Variants in FBL observed in about 807,000 individuals in gnomAD.
FBL encodes rRNA 2'-O-methyltransferase fibrillarin.
A neutral mutation model predicts 42.2 loss-of-function variants in FBL; 10 were observed. The ratio of observed to expected loss-of-function variants is 0.24; its 90% CI spans 0.15 to 0.40. The LOEUF (loss-of-function observed/expected upper bound fraction) is 0.40. Among genes scored for constraint, FBL ranks in the 10% least tolerant of loss-of-function variants. The pLI, the probability that FBL is intolerant of heterozygous loss-of-function variation, is 1.00. For synonymous variants in FBL, 165 were observed against 165.4 expected, an observed-to-expected ratio of 1.00 and a Z score of 0.02; for missense variants, 351 against 439.2, an observed-to-expected ratio of 0.80 and a Z score of 1.79.
At chr19:39,837,681 C>T (rs1238558001) in intron 6 of FBL, 30 bp downstream of exon 6, 2 of 1,534,742 alleles carry the variant, frequency 1.3e-6, no homozygotes, top group East Asian at 2.4e-5. Flanking sequence ...GCCTGTCCTA[C>T]CCCACCGGGG....
At chr19:39,844,471 T>G (rs967877632) in intron 1 of FBL, among the ~76,000 whole-genome samples, 113 of 140,556 alleles carry the variant, frequency 8.0e-4, no homozygotes, top group Non-Finnish European at 1.3e-3. Flanking sequence ...GTTCTTTTTT[T>G]GGGGGGAGGG....
In FBL at chr19:39,839,141, A is replaced by G; in HGVS notation, c.443T>C (p.Ile148Thr). 1.2e-6 allele frequency: 2 copies of G among 1,614,030 alleles called. No individual in the cohort carries two copies. Among genetic ancestry groups the G allele is most frequent in the Non-Finnish European group, 1.7e-6 (2 of 1,179,986 alleles). ...GTGGATCTGGTCCACACCACCCAGG[A>G]TTGCTGCTGCTAGCTTGGAGCGGAA... is the stretch of plus-strand genomic sequence containing the variant. The part of the protein sequence containing the change: ...NPFRSKLAAA[I>T]LGGVDQIHIK... The change falls in exon 5 of 9, where the codon ATC (isoleucine) becomes ACC (threonine). Residue 148 changes from isoleucine (I) to threonine (T), a missense_variant. By Grantham distance (89) the Ile-to-Thr change is moderately conservative. Transcript: ENST00000221801.
chr19:39,846,374 G>C lies in FBL; in HGVS notation c.-74C>G. The C allele has an allele frequency of 6.3e-7, 1 of 1,588,274 alleles. No individual in the cohort carries two copies. The highest frequency in any genetic ancestry group is 8.6e-7 in the Non-Finnish European group (1 of 1,163,932). On this transcript the variant is annotated 5_prime_UTR_variant, in exon 1 of 9. Transcript: ENST00000221801. ...CACGAGTCCGGGGCTTTCGCACGTG[G>C]AAAAGAGCGCAGGCGCGCGGCGACG...
rs904458750 is a variant in FBL at position 39,840,089 on chromosome 19, G to A, written c.378+144C>T. 2.5e-5 allele frequency: 16 copies of A among 645,818 alleles called. No individual in the cohort carries two copies. The highest frequency in any genetic ancestry group is 1.1e-4 in the East Asian group (4 of 36,736). 40.0% of individuals were successfully genotyped at this position (645,818 alleles called of 1,614,324 possible). ...AAGGCCGTGGGGAGTCACAGAAGGCGGATGAGGGAGCAGACAGTGTGGTTT... is the reference window on the plus strand; with the variant it reads ...AAGGCCGTGGGGAGTCACAGAAGGCAGATGAGGGAGCAGACAGTGTGGTTT... On this transcript the variant is annotated intron_variant, in intron 4 of 8. Transcript: ENST00000221801. This position sits in a 1 kb window ranked among gnomAD's most constrained non-coding sequence, Gnocchi z 4.5.
At chr19:39,843,751 G>T (rs1969206201) in intron 1 of FBL, among the ~76,000 whole-genome samples, 1 of 152,190 alleles carries the variant, frequency 6.6e-6, no homozygotes, top group South Asian at 2.1e-4. Flanking sequence ...CTGGGTGACA[G>T]AGAGAGATTC....
chr19:39,836,444 A>G, intron 7 of FBL, 112 bp downstream of exon 7: 1 of 625,424 alleles, frequency 1.6e-6, no homozygotes, highest in Non-Finnish European at 2.7e-6. Context: ...CCAAAGCTAT[A>G]GTTTTGCAGA....
intron 7 of FBL, among the ~76,000 whole-genome samples, chr19:39,835,452 G>A (rs560699340): frequency 2.0e-5 from 3 of 152,076 alleles, no homozygotes; most frequent in Admixed American, 1.3e-4. Flanking sequence ...CCAGGAACTG[G>A]AGGTTGCAGT....
intron 1 of FBL, among the ~76,000 whole-genome samples, chr19:39,844,483 G>T (rs923868707): frequency 6.6e-6 from 1 of 151,656 alleles, no homozygotes; most frequent in Non-Finnish European, 1.5e-5. Flanking sequence ...GGGGGAGGGG[G>T]GTCCATAAAC....
rs1161955339 is a variant in FBL, at chr19:39,840,371, C to A, written c.283+43G>T. ...GCAGGGGTGAGGACCCCCAGCCTCT[C>A]CCTGCCCCGAAGCTCAGCCGGCTCC... On this transcript the variant is annotated intron_variant, in intron 3 of 8. Coordinates refer to ENST00000221801, the MANE Select transcript of FBL (RefSeq NM_001436.4). The surrounding 1 kb of genome is among the most constrained non-coding windows in gnomAD (Gnocchi z 4.5). The A allele has an allele frequency of 2.5e-6, 4 of 1,612,810 alleles. No homozygotes were observed. In the Admixed American group the frequency reaches 6.7e-5, roughly 27 times the overall value.
chr19:39,841,465 A>G (rs189544457), intron 1 of FBL, among the ~76,000 whole-genome samples: 1 of 152,360 alleles, frequency 6.6e-6, no homozygotes, highest in East Asian at 1.9e-4. Flanking sequence ...GGAGGAGTAC[A>G]TGAATAGATG....
intron 1 of FBL, among the ~76,000 whole-genome samples, chr19:39,845,810 G>A (rs73930655): frequency 0.011 from 1,674 of 152,326 alleles, 29 homozygotes; most frequent in African/African-American, 0.038. Flanking sequence ...GAAAAGCTGG[G>A]ATGCGGGATA....
chr19:39,834,685 CACG>C lies in FBL; in HGVS notation c.921_923del (p.Val310del). ...CTGCTCACCTGTACACTCCCACGAC[CACG>C]GCATGGTCTCTTTCATATGGCTCAA... is the stretch of plus-strand genomic sequence containing the variant. On this transcript the variant is annotated inframe_deletion, in exon 8 of 9. Transcript: ENST00000221801. 6.2e-7 allele frequency: 1 copy of C among 1,614,162 alleles called. No homozygotes were observed. The highest frequency in any genetic ancestry group is 8.5e-7 in the Non-Finnish European group (1 of 1,180,032).
chr19:39,843,290 C>T (rs1488374485), intron 1 of FBL, among the ~76,000 whole-genome samples: 1 of 152,144 alleles, frequency 6.6e-6, no homozygotes, highest in African/African-American at 2.4e-5. Flanking sequence ...CTGGGCCCTG[C>T]CTCAAGGAGA....
intron 5 of FBL, chr19:39,838,681 A>T: frequency 5.2e-6 from 1 of 191,022 alleles, no homozygotes; most frequent in Non-Finnish European, 1.1e-5. Flanking sequence ...ATACAGGCTC[A>T]GAAACCATGA....
At chr19:39,835,491 C>T (rs1457983953) in intron 7 of FBL, among the ~76,000 whole-genome samples, 1 of 151,986 alleles carries the variant, frequency 6.6e-6, no homozygotes, top group African/African-American at 2.4e-5. Flanking sequence ...TGCACTCCAA[C>T]CTGGTGACAG....
chr19:39,836,364 G>C lies in FBL; in HGVS notation c.795+192C>G, dbSNP rs1026950546. ...AGTAACTTGCTCAGTCACACAGCAG[G>C]CTGGGATTAAACTCAGATGGTCAGA... On this transcript the variant is annotated intron_variant, in intron 7 of 8. Transcript: ENST00000221801. 2.0e-5 allele frequency among the ~76,000 whole-genome samples: 3 copies of C among 152,126 alleles called. No individual in the cohort carries two copies. The East Asian group carries it at 5.8e-4, about 29-fold the overall frequency.
chr19:39,839,001 T>C (rs373641259), intron 5 of FBL, 34 bp downstream of exon 5: 2 of 1,582,736 alleles, frequency 1.3e-6, no homozygotes, highest in Non-Finnish European at 1.7e-6. Context: ...AGGCAGCCTT[T>C]ACCTCCTGCC....
intron 5 of FBL, chr19:39,838,461 A>G (rs1460095026): frequency 1.3e-5 from 2 of 153,356 alleles, no homozygotes; most frequent in African/African-American, 4.8e-5. Flanking sequence ...GGGTTTTACC[A>G]TATTGGTCAG....
rs35883024 is a variant in FBL, at chr19:39,842,089, C to CTT, written c.11-1304_11-1303dup. Among the ~76,000 whole-genome samples the CTT allele has an allele frequency of 6.4e-4, 91 of 142,876 alleles. No homozygotes were observed. The Middle Eastern group carries it at 0.011, about 17-fold the overall frequency. 93.7% of individuals were successfully genotyped at this position (142,876 alleles called of 152,430 possible). On this transcript the variant is annotated intron_variant, in intron 1 of 8. Coordinates refer to ENST00000221801, the MANE Select transcript of FBL (RefSeq NM_001436.4). ...TGTAATCTATTCAATCATAAGCTTG[C>CTT]TTTTTTTTTTTTTTGAGACGGAGTC...
Sources: gnomAD v4.1 joint callset for allele counts (sites outside exome capture counted in the v4.1 genomes callset) on GRCh38, gnomAD v4.1.1 for gene constraint, Gnocchi (gnomAD v3.1) non-coding constraint, MANE v1.5 for transcripts, NCBI Gene and HGNC (gene_info 2026-07-23, HGNC 2026-07-21) for gene names.